Variants in CLIP1 observed in about 807,000 individuals in gnomAD.
CLIP1 encodes the protein CAP-Gly domain-containing linker protein 1.
In CLIP1, 66 loss-of-function variants were observed where a neutral mutation model predicts 161.6. The ratio of observed to expected loss-of-function variants is 0.41; its 90% CI spans 0.33 to 0.50. The LOEUF (loss-of-function observed/expected upper bound fraction) is 0.50. Ranked by LOEUF, CLIP1 falls within the 20% of genes least tolerant of loss-of-function variation. The pLI is 0.27. For missense variants in CLIP1, 1,376 were observed against 1,702.0 expected (o/e 0.81, Z 3.37); for synonymous variants, 598 against 626.2 (o/e 0.96, Z 0.67).
intron 20 of CLIP1, among the ~76,000 whole-genome samples, chr12:122,288,808 C>CTTTTTTTTTTTTT (rs200069106): frequency 8.7e-6 from 1 of 114,452 alleles, no homozygotes. Flanking sequence ...CGAAGCACAT[C>CTTTTTTTTTTTTT]TTTTTTTTTT....
intron 1 of CLIP1, among the ~76,000 whole-genome samples, chr12:122,420,541 G>A (rs1593286751): frequency 6.6e-6 from 1 of 152,168 alleles, no homozygotes; most frequent in East Asian, 1.9e-4. Context: ...CTTTGAACTA[G>A]GTCTAGTGGG....
chr12:122,415,435 T>C (rs1440038862), intron 1 of CLIP1, among the ~76,000 whole-genome samples: 1 of 139,580 alleles, frequency 7.2e-6, no homozygotes, highest in South Asian at 2.2e-4. Flanking sequence ...TGAGCCGAGA[T>C]GGCGCCACTG....
At chr12:122,327,921 C>T (rs754007063) in intron 17 of CLIP1, 26 bp downstream of exon 17, 1 of 1,609,024 alleles carries the variant, frequency 6.2e-7, no homozygotes, top group South Asian at 1.1e-5. Context: ...AGCTACAACA[C>T]AAGGAAATTC....
At chr12:122,309,678 C>A (rs1950997004) in intron 20 of CLIP1, 84 bp downstream of exon 20, 5 of 1,534,990 alleles carry the variant, frequency 3.3e-6, no homozygotes, top group Admixed American at 1.7e-5. Flanking sequence ...ACTGAGCAGA[C>A]CTCCGAGTGG....
chr12:122,331,676 T>A (rs185420532), intron 15 of CLIP1, among the ~76,000 whole-genome samples: 1 of 152,276 alleles, frequency 6.6e-6, no homozygotes, highest in East Asian at 1.9e-4. Flanking sequence ...TGGCCCATAG[T>A]AATAGATAAT....
chr12:122,388,774 T>G (rs912216198), intron 1 of CLIP1, among the ~76,000 whole-genome samples: 1 of 151,984 alleles, frequency 6.6e-6, no homozygotes, highest in Non-Finnish European at 1.5e-5. Flanking sequence ...TGGGTCTCAC[T>G]GTGCTGCCCA....
At chr12:122,304,435 A>T (rs1374085818) in intron 20 of CLIP1, among the ~76,000 whole-genome samples, 1 of 152,020 alleles carries the variant, frequency 6.6e-6, no homozygotes, top group Non-Finnish European at 1.5e-5. Flanking sequence ...ATCTCGACTA[A>T]CTGCAACCTC....
Position 122,309,632 on chromosome 12 carries a change from GGTAACTTGGAATTCCA to G in CLIP1, c.3594+114_3594+129del. On this transcript the variant is annotated intron_variant, in intron 20 of 25. Coordinates refer to ENST00000620786, the MANE Select transcript of CLIP1 (RefSeq NM_001247997.2). Reference sequence around the variant, plus strand: ...TGAAAACAAGGAGACACATAGCACAGGTAACTTGGAATTCCATTTGGAATGACCCCACCACACTGAG... The same window carrying G: ...TGAAAACAAGGAGACACATAGCACAGTTTGGAATGACCCCACCACACTGAG... 3 of 1,076,150 alleles carry G rather than the reference GGTAACTTGGAATTCCA, an allele frequency of 2.8e-6. No homozygotes were observed. In the South Asian group the frequency reaches 4.6e-5, roughly 16 times the overall value. 66.7% of individuals were successfully genotyped at this position (1,076,150 alleles called of 1,614,324 possible).
intron 1 of CLIP1, among the ~76,000 whole-genome samples, chr12:122,404,070 G>A (rs1011145076): frequency 3.3e-5 from 5 of 152,168 alleles, no homozygotes; most frequent in African/African-American, 1.2e-4. Flanking sequence ...CGGTCTACGC[G>A]AGCTGAGGAC....
chr12:122,389,853 G>A (rs1160847051), intron 1 of CLIP1, among the ~76,000 whole-genome samples: 2 of 146,158 alleles, frequency 1.4e-5, no homozygotes, highest in South Asian at 2.3e-4. Context: ...ATGTTGAACT[G>A]TCAACACCAG....
At chr12:122,298,055 T>C (rs1950540926) in intron 20 of CLIP1, among the ~76,000 whole-genome samples, 1 of 152,196 alleles carries the variant, frequency 6.6e-6, no homozygotes, top group African/African-American at 2.4e-5. Flanking sequence ...TCAAGGCTGT[T>C]GCTGGGCCTG....
intron 19 of CLIP1, among the ~76,000 whole-genome samples, chr12:122,315,037 C>T (rs1951207342): frequency 6.6e-6 from 1 of 152,202 alleles, no homozygotes; most frequent in Non-Finnish European, 1.5e-5. Context: ...AAGAAAATCA[C>T]CGACATCACA....
chr12:122,322,145 A>T (rs984013749), intron 17 of CLIP1: 1 of 152,608 alleles, frequency 6.6e-6, no homozygotes, highest in Admixed American at 6.5e-5. Flanking sequence ...GAGCTCTCTA[A>T]TTTTAAGAGT....
intron 19 of CLIP1, among the ~76,000 whole-genome samples, chr12:122,315,053 T>A (rs1728235349): frequency 6.6e-6 from 1 of 152,212 alleles, no homozygotes; most frequent in Admixed American, 6.5e-5. Flanking sequence ...TCACAAGCTG[T>A]GCATCCCCTC....
chr12:122,288,631 G>T, intron 20 of CLIP1, 90 bp from the exon 21 acceptor site: 2 of 1,101,474 alleles, frequency 1.8e-6, no homozygotes, highest in East Asian at 2.4e-5. Flanking sequence ...CAGGCTCCAG[G>T]ACAGCTAAAG....
chr12:122,348,180 G>A (rs1952839342), intron 9 of CLIP1, among the ~76,000 whole-genome samples: 1 of 152,158 alleles, frequency 6.6e-6, no homozygotes, highest in Non-Finnish European at 1.5e-5. Context: ...ATGGGGAAGA[G>A]GCCATGGAAG....
At chr12:122,322,410 G>A (rs1343980752) in intron 17 of CLIP1, 1 of 152,634 alleles carries the variant, frequency 6.6e-6, no homozygotes, top group Non-Finnish European at 1.5e-5. Flanking sequence ...TTCCGCTGAA[G>A]GTCATCCAGA....
Position 122,290,046 on chromosome 12 carries a change from G to A in CLIP1, c.3595-1505C>T, listed in dbSNP as rs114466440. Among the ~76,000 whole-genome samples, 569 of 152,122 alleles carry A rather than the reference G, an allele frequency of 3.7e-3. 8 individuals are homozygous for A. The highest frequency in any genetic ancestry group is 0.012 in the African/African-American group (499 of 41,536). On this transcript the variant is annotated intron_variant, in intron 20 of 25. Coordinates refer to ENST00000620786, the MANE Select transcript of CLIP1 (RefSeq NM_001247997.2). Reference sequence around the variant, plus strand: ...GCACACTGTTAATTTTTTTAAAAGGGTCAAAAAGCTCTTATATTTTTTTAA... The same window carrying A: ...GCACACTGTTAATTTTTTTAAAAGGATCAAAAAGCTCTTATATTTTTTTAA...
intron 20 of CLIP1, among the ~76,000 whole-genome samples, chr12:122,302,601 C>T (rs1015101040): frequency 1.3e-5 from 2 of 152,006 alleles, no homozygotes; most frequent in African/African-American, 4.8e-5. Context: ...CACACACGCA[C>T]ACACACATAT....
Sources: allele counts gnomAD v4.1 joint callset (sites outside exome capture counted in the v4.1 genomes callset), GRCh38; gene constraint gnomAD v4.1.1; transcripts MANE v1.5; gene names NCBI Gene and HGNC (gene_info 2026-07-23, HGNC 2026-07-21).